SEC16B: variants seen among roughly 807,000 people sequenced by gnomAD.
SEC16B encodes protein transport protein Sec16B.
In SEC16B, 115 loss-of-function variants were observed where a neutral mutation model predicts 141.8. The ratio of observed to expected loss-of-function variants is 0.81; its 90% CI spans 0.70 to 0.95. The LOEUF is 0.95. Ranked by LOEUF, SEC16B falls within the 40% of genes least tolerant of loss-of-function variation. The pLI is 0.00. For synonymous variants in SEC16B, 493 were observed against 492.5 expected, an observed-to-expected ratio of 1.00 and a Z score of -0.01; for missense variants, 1,291 against 1,312.3, an observed-to-expected ratio of 0.98 and a Z score of 0.25.
chr1:177,947,697 A>C, intron 13 of SEC16B, 128 bp downstream of exon 13: 1 of 544,442 alleles, frequency 1.8e-6, no homozygotes. Context: ...CTGGACGGGG[A>C]GGGGAGGTGA....
At chr1:177,973,706 G>T (rs569934362), upstream of SEC16B, among the ~76,000 whole-genome samples, 1 of 152,086 alleles carries the variant, frequency 6.6e-6, no homozygotes, top group East Asian at 1.9e-4. Flanking sequence ...ATGCACTGGG[G>T]ATACAAAGAT....
chr1:177,937,463 G>T lies in SEC16B; in HGVS notation c.2254C>A (p.Pro752Thr), dbSNP rs1193090015. Residue 752 changes from proline to threonine, a missense_variant, in exon 19 of 26, where the codon CCT becomes ACT. By Grantham distance (38) the Pro-to-Thr change is conservative. Coordinates refer to ENST00000308284, the MANE Select transcript of SEC16B (RefSeq NM_033127.4). ...AGCCACAGAGCTGAGCGGTACCCAG[G>T]GGCTTCAGAGTAGCCTTGACATCCA... The part of the protein sequence containing the change: ...FSGCQGYSEA[P>T]GYRSALWLTP... 3.1e-6 allele frequency: 5 copies of T among 1,594,104 alleles called. No individual in the cohort carries two copies. Among genetic ancestry groups the T allele is most frequent in the Admixed American group, 3.5e-5 (2 of 56,800 alleles).
rs374592258 is a variant in SEC16B at position 177,946,868 on chromosome 1, AAAG to A, written c.1664-340_1664-338del. On this transcript the variant is annotated intron_variant, in intron 13 of 25. Transcript: ENST00000308284. ...GAGTTTGAAATGCCTGCACCTGAGC[AAAG>A]AAGGAGACTACTGAGAGTGGTCGTT... 5.7e-3 allele frequency among the ~76,000 whole-genome samples: 867 copies of A among 152,368 alleles called. 12 individuals carry two copies. Among genetic ancestry groups the A allele is most frequent in the African/African-American group, 0.017 (711 of 41,586 alleles).
At chr1:177,955,096 T>C (rs1013076151) in intron 10 of SEC16B, among the ~76,000 whole-genome samples, 1 of 151,786 alleles carries the variant, frequency 6.6e-6, no homozygotes, top group Non-Finnish European at 1.5e-5. Context: ...AAAGCCTCAA[T>C]AGAAAAATGC....
chr1:177,939,689 T>C lies in SEC16B; in HGVS notation c.2203+13A>G, dbSNP rs778907935. 4 of 1,571,948 alleles carry C rather than the reference T, an allele frequency of 2.5e-6. No individual in the cohort carries two copies. Among genetic ancestry groups the C allele is most frequent in the Non-Finnish European group, 3.5e-6 (4 of 1,153,004 alleles). ...GTCAGCTATGTATATGCTCAGTTCA[T>C]CATTTTGGGTACCTGTTGTTGTTCC... On this transcript the variant is annotated intron_variant, in intron 18 of 25. Transcript: ENST00000308284.
At chr1:177,944,426 C>A in intron 15 of SEC16B, 135 bp downstream of exon 15, 1 of 685,060 alleles carries the variant, frequency 1.5e-6, no homozygotes, top group East Asian at 2.6e-5. Flanking sequence ...TACACCCTCC[C>A]ACGCTTAAGC....
chr1:177,933,150 G>T, intron 22 of SEC16B, 64 bp downstream of exon 22: 3 of 1,335,490 alleles, frequency 2.2e-6, no homozygotes, highest in Admixed American at 4.2e-5. Flanking sequence ...GCTCCTAGGT[G>T]CTGAGGCAGC....
rs1653405525 is a variant in SEC16B at position 177,965,078 on chromosome 1, G to A, written c.502C>T (p.Pro168Ser). 6.2e-7 allele frequency: 1 copy of A among 1,613,406 alleles called. No individual in the cohort carries two copies. The highest frequency in any genetic ancestry group is 1.3e-5 in the African/African-American group (1 of 74,882). Residue 168 changes from proline (P) to serine (S), a missense_variant, in exon 4 of 26, where the codon CCA becomes TCA. Coordinates refer to ENST00000308284, the MANE Select transcript of SEC16B (RefSeq NM_033127.4). ...DEHHYENQHS[P>S]FGTNSETHFQ... ...TGGGTCTCACTATTTGTTCCAAATG[G>A]ACTGTGCTGGTTTTCATAATGATGT...
chr1:177,932,363 C>A lies in SEC16B; in HGVS notation c.3012+127G>T, dbSNP rs1022234521. 7 of 654,690 alleles carry A rather than the reference C, an allele frequency of 1.1e-5. No individual in the cohort carries two copies. In the Admixed American group the frequency reaches 2.6e-4, roughly 24 times the overall value. The allele number at this position is 654,690 out of a possible 1,614,324, so 40.6% of individuals were successfully genotyped here. Reference sequence around the variant, plus strand: ...TGGTACTTTGTTATGACAGCCTGAGCAAACTAACACAGCAGAGAAGCATTC... The same window carrying A: ...TGGTACTTTGTTATGACAGCCTGAGAAAACTAACACAGCAGAGAAGCATTC... On this transcript the variant is annotated intron_variant, in intron 24 of 25. Transcript: ENST00000308284.
intron 16 of SEC16B, 56 bp downstream of exon 16, chr1:177,941,844 G>A (rs2101921298): frequency 1.9e-6 from 3 of 1,575,494 alleles, no homozygotes; most frequent in East Asian, 4.5e-5. Context: ...CTCTACGATG[G>A]CTTTCTCTGA....
rs1650242375 is a variant in SEC16B, at chr1:177,929,271, A to T, written c.*587T>A. The T allele has an allele frequency of 6.5e-6, 1 of 155,022 alleles. No individual in the cohort carries two copies. The allele number at this position is 155,022 out of a possible 1,614,324, so 9.6% of individuals were successfully genotyped here. A position where few individuals can be genotyped will look rare whatever the true frequency, so the allele number is the denominator to read the frequency against. ...TAAGAAAGTGAGAGAAATATAATTA[A>T]TCTGAACCACATTCAAAAAAATGTG... On this transcript the variant is annotated 3_prime_UTR_variant, in exon 26 of 26. Transcript: ENST00000308284.
chr1:177,945,110 C>T (rs1473217844), intron 14 of SEC16B, among the ~76,000 whole-genome samples: 1 of 152,204 alleles, frequency 6.6e-6, no homozygotes, highest in African/African-American at 2.4e-5. Context: ...CCATGTAACA[C>T]TCCGGGAGCA....
At chr1:177,946,844 A>C (rs897275923) in intron 13 of SEC16B, among the ~76,000 whole-genome samples, 2 of 152,206 alleles carry the variant, frequency 1.3e-5, no homozygotes, top group Non-Finnish European at 2.9e-5. Context: ...GTGAAAAATG[A>C]GTTTGAAATG....
chr1:177,936,173 A>T (rs1172241149), intron 20 of SEC16B, 125 bp downstream of exon 20: 6 of 737,576 alleles, frequency 8.1e-6, no homozygotes, highest in Non-Finnish European at 1.4e-5. Flanking sequence ...GCAAGGCGAG[A>T]TGTGGAAGAG....
At chr1:177,958,788 T>A in intron 9 of SEC16B, 52 bp downstream of exon 9, 1 of 1,573,126 alleles carries the variant, frequency 6.4e-7, no homozygotes, top group Non-Finnish European at 8.6e-7. Flanking sequence ...ATCTATCCCA[T>A]GAAGACTTAA....
At chr1:177,938,619 C>T (rs1651041212) in intron 18 of SEC16B, among the ~76,000 whole-genome samples, 1 of 151,566 alleles carries the variant, frequency 6.6e-6, no homozygotes, top group South Asian at 2.1e-4. Flanking sequence ...CATTGTATGA[C>T]TTTTTTTTTA....
chr1:177,953,473 T>A (rs1441736007), intron 11 of SEC16B, among the ~76,000 whole-genome samples: 1 of 151,972 alleles, frequency 6.6e-6, no homozygotes, highest in African/African-American at 2.4e-5. Context: ...TAAAGGAGGG[T>A]CCCTCACCAC....
At chr1:177,982,596 C>A (rs985495530) in intron 1 of SEC16B, among the ~76,000 whole-genome samples, 3 of 152,216 alleles carry the variant, frequency 2.0e-5, no homozygotes, top group African/African-American at 7.2e-5. Flanking sequence ...GAATCTCCTA[C>A]AACTTCCAAA....
intron 10 of SEC16B, 94 bp from the exon 11 acceptor site, chr1:177,954,470 G>A: frequency 9.9e-7 from 1 of 1,012,836 alleles, no homozygotes; most frequent in Non-Finnish European, 1.5e-6. Context: ...AGCAGCAGAG[G>A]CTAGGCTTCC....
Sources: allele counts gnomAD v4.1 joint callset (sites outside exome capture counted in the v4.1 genomes callset), GRCh38; gene constraint gnomAD v4.1.1; transcripts MANE v1.5; gene names NCBI Gene and HGNC (gene_info 2026-07-23, HGNC 2026-07-21).